Variants in ESRRG observed in about 807,000 individuals in gnomAD.
ESRRG encodes estrogen related receptor gamma.
Under a neutral mutation model 44.0 loss-of-function variants are expected in ESRRG, and 13 were observed. The observed-to-expected ratio is 0.30, with a 90% CI of 0.19 to 0.47. The LOEUF (loss-of-function observed/expected upper bound fraction) is 0.47, where lower values mean the gene tolerates loss of function less well. Among genes scored for constraint, ESRRG ranks in the 20% least tolerant of loss-of-function variants. The probability of loss-of-function intolerance (pLI) is 1.00; values close to 1 mark genes in which losing one functional copy is unlikely to be tolerated. For synonymous variants in ESRRG, 215 were observed against 214.6 expected, an observed-to-expected ratio of 1.00 and a Z score of -0.02; for missense variants, 395 against 580.6, an observed-to-expected ratio of 0.68 and a Z score of 3.29.
At chr1:216,515,373 C>G (rs557750500) in intron 6 of ESRRG, among the ~76,000 whole-genome samples, 2 of 152,128 alleles carry the variant, frequency 1.3e-5, no homozygotes, top group Admixed American at 1.3e-4. Flanking sequence ...AAAGGCTCCC[C>G]TAATGGAGTG....
intron 2 of ESRRG, among the ~76,000 whole-genome samples, chr1:216,788,916 C>T (rs752073188): frequency 1.1e-4 from 17 of 151,986 alleles, no homozygotes; most frequent in Non-Finnish European, 1.6e-4. Context: ...GTAGAAATAG[C>T]AAGAGAATTA....
At chr1:217,137,454 T>G (rs1325143030) in intron 1 of ESRRG, among the ~76,000 whole-genome samples, 1 of 152,122 alleles carries the variant, frequency 6.6e-6, no homozygotes, top group Non-Finnish European at 1.5e-5. Context: ...TTTGCGCGCG[T>G]CTCCCTTTCC....
At chr1:217,005,957 G>T (rs1169638727) in intron 1 of ESRRG, among the ~76,000 whole-genome samples, 1 of 152,010 alleles carries the variant, frequency 6.6e-6, no homozygotes, top group Admixed American at 6.6e-5. Context: ...ACTTACAGTA[G>T]AACAATAACT....
chr1:216,761,090 A>G (rs1302397565), intron 2 of ESRRG, among the ~76,000 whole-genome samples: 1 of 151,942 alleles, frequency 6.6e-6, no homozygotes, highest in Non-Finnish European at 1.5e-5. Context: ...AATGTCTAGG[A>G]GAGAAAAAAA....
chr1:216,816,439 G>A (rs1301229088), intron 2 of ESRRG, among the ~76,000 whole-genome samples: 4 of 152,066 alleles, frequency 2.6e-5, no homozygotes, highest in African/African-American at 9.7e-5. Flanking sequence ...AAAAAAAAGA[G>A]CCACTGATCT....
chr1:216,970,010 C>T lies in ESRRG; in HGVS notation c.-105-30337G>A, dbSNP rs79267833. 6.2e-4 allele frequency among the ~76,000 whole-genome samples: 95 copies of T among 152,262 alleles called. No homozygotes were observed. The East Asian group carries it at 0.017, about 27-fold the overall frequency. On this transcript the variant is annotated intron_variant, in intron 1 of 7. Transcript: ENST00000359162. ...TGAATCTGAGGGGAAGAGACAATGG[C>T]ACATGAAAGAATCATCACCTTCTTT... is the stretch of plus-strand genomic sequence containing the variant.
intron 2 of ESRRG, among the ~76,000 whole-genome samples, chr1:216,867,598 G>T (rs2096188298): frequency 6.6e-6 from 1 of 152,050 alleles, no homozygotes; most frequent in African/African-American, 2.4e-5. Flanking sequence ...TAAGAAAAAA[G>T]ACTCTAAACA....
At chr1:217,070,196 C>A (rs562487901) in intron 1 of ESRRG, among the ~76,000 whole-genome samples, 49 of 152,060 alleles carry the variant, frequency 3.2e-4, no homozygotes, top group Non-Finnish European at 6.2e-4. Flanking sequence ...GTTTCTTCAT[C>A]TGTAAAATTA....
At chr1:216,871,345 T>C (rs2096256718) in intron 2 of ESRRG, among the ~76,000 whole-genome samples, 1 of 152,058 alleles carries the variant, frequency 6.6e-6, no homozygotes, top group Admixed American at 6.5e-5. Context: ...ACATATTTTA[T>C]ATTATTTCAT....
At chr1:216,825,004 T>A (rs1310396254) in intron 2 of ESRRG, among the ~76,000 whole-genome samples, 1 of 152,216 alleles carries the variant, frequency 6.6e-6, no homozygotes, top group East Asian at 1.9e-4. Context: ...CTACAGAATG[T>A]GTCACAGTGA....
intron 2 of ESRRG, among the ~76,000 whole-genome samples, chr1:216,672,882 A>T (rs2075450605): frequency 6.7e-6 from 1 of 148,772 alleles, no homozygotes; most frequent in South Asian, 2.1e-4. Context: ...TAATAAGAAG[A>T]TATATTAAAA....
At chr1:216,611,401 G>A (rs2060645821) in intron 3 of ESRRG, among the ~76,000 whole-genome samples, 1 of 151,930 alleles carries the variant, frequency 6.6e-6, no homozygotes, top group African/African-American at 2.4e-5. Context: ...TTAGCAGGGA[G>A]TCATTAGATA....
At chr1:217,020,646 G>C (rs532908226) in intron 1 of ESRRG, among the ~76,000 whole-genome samples, 2 of 152,262 alleles carry the variant, frequency 1.3e-5, no homozygotes, top group East Asian at 3.9e-4. Flanking sequence ...AGGACAAGAA[G>C]AACAAGAAGT....
intron 1 of ESRRG, among the ~76,000 whole-genome samples, chr1:216,977,713 T>C (rs2150357332): frequency 6.6e-6 from 1 of 152,246 alleles, no homozygotes; most frequent in Non-Finnish European, 1.5e-5. Context: ...ATTAACCAGC[T>C]GGGTTGCTGT....
intron 1 of ESRRG, among the ~76,000 whole-genome samples, chr1:216,685,549 G>T (rs771511368): frequency 1.3e-5 from 2 of 152,150 alleles, no homozygotes; most frequent in Non-Finnish European, 1.5e-5. Context: ...CCACAGCACC[G>T]CACTAGAGAA....
At chr1:216,730,195 CCTCT>C (rs1359131068) in intron 2 of ESRRG, among the ~76,000 whole-genome samples, 2 of 151,604 alleles carry the variant, frequency 1.3e-5, no homozygotes, top group Admixed American at 6.6e-5. Flanking sequence ...AGAGATCTGA[CCTCT>C]CTGAGGACAC....
chr1:217,107,314 G>C (rs930025350), intron 1 of ESRRG, among the ~76,000 whole-genome samples: 2 of 152,288 alleles, frequency 1.3e-5, no homozygotes, highest in South Asian at 4.1e-4. Flanking sequence ...TTCTGCTTTG[G>C]ATTAACAGTG....
chr1:216,900,136 C>A (rs1577880703), intron 2 of ESRRG, among the ~76,000 whole-genome samples: 1 of 152,088 alleles, frequency 6.6e-6, no homozygotes. Flanking sequence ...TTTATAACCT[C>A]ATTATAAAAG....
At chr1:216,861,762 A>T (rs1022129889) in intron 2 of ESRRG, among the ~76,000 whole-genome samples, 4 of 152,152 alleles carry the variant, frequency 2.6e-5, no homozygotes, top group Non-Finnish European at 5.9e-5. Context: ...AAGACAAGCC[A>T]ACACTAGCAG....
Sources: allele counts gnomAD v4.1 joint callset (sites outside exome capture counted in the v4.1 genomes callset), GRCh38; gene constraint gnomAD v4.1.1; transcripts MANE v1.5; gene names NCBI Gene and HGNC (gene_info 2026-07-23, HGNC 2026-07-21).